DTNB: variants seen among roughly 807,000 people sequenced by gnomAD.
DTNB encodes dystrobrevin beta, also known as DTN-B.
Under a neutral mutation model 90.7 loss-of-function variants are expected in DTNB, and 63 were observed. The observed-to-expected ratio is 0.69, with a 90% confidence interval of 0.57 to 0.86. DTNB has a LOEUF of 0.86. DTNB is among the 40% of genes least tolerant of loss of function. The pLI is 0.00. For missense variants in DTNB, 744 were observed against 807.1 expected, an observed-to-expected ratio of 0.92 and a Z score of 0.95; for synonymous variants, 277 against 286.7, an observed-to-expected ratio of 0.97 and a Z score of 0.34.
intron 2 of DTNB, among the ~76,000 whole-genome samples, chr2:25,647,719 C>A (rs1403923153): frequency 6.6e-6 from 1 of 151,694 alleles, no homozygotes; most frequent in African/African-American, 2.4e-5. Flanking sequence ...TATCAATCAG[C>A]CAATCAACCA....
chr2:25,640,580 C>T lies in DTNB; in HGVS notation c.68-1486G>A, dbSNP rs182871155. 1.7e-3 allele frequency among the ~76,000 whole-genome samples: 260 copies of T among 152,128 alleles called. 1 individual carries two copies. Among genetic ancestry groups the T allele is most frequent in the African/African-American group, 6.1e-3 (251 of 41,476 alleles). ...CTCTCTCTCTCTGTATTATACAGTC[C>T]CACTTTCTCTTTTTAAATATAAAAG... On this transcript the variant is annotated intron_variant, in intron 2 of 20. Transcript: ENST00000406818.
In DTNB at chr2:25,596,170, T is replaced by G. The variant is rs2064587047; in HGVS notation, c.519A>C (p.Glu173Asp). 1.2e-5 allele frequency: 20 copies of G among 1,613,680 alleles called. No homozygotes were observed. The East Asian group carries it at 4.5e-4, about 36-fold the overall frequency. Residue 173 changes from glutamate (E) to aspartate (D), a missense_variant, in exon 6 of 21, where the codon GAA becomes GAC. By Grantham distance (45) the Glu-to-Asp change is conservative. Transcript: ENST00000406818. ...AGACAGCTGTTGGGAGCTTCAGAACTTCCTTCAGAAACTGGTCAAACTTGC... is the reference window on the plus strand; with the variant it reads ...AGACAGCTGTTGGGAGCTTCAGAACGTCCTTCAGAAACTGGTCAAACTTGC... ...IFSKFDQFLK[E>D]VLKLPTAVFE...
intron 3 of DTNB, among the ~76,000 whole-genome samples, chr2:25,632,192 C>CACA (rs2075905585): frequency 1.3e-5 from 1 of 76,882 alleles, no homozygotes; most frequent in Non-Finnish European, 2.3e-5. Flanking sequence ...GACTCTGTCT[C>CACA]AAAAAAAAAA....
At chr2:25,503,126 G>A (rs2071269651) in intron 9 of DTNB, among the ~76,000 whole-genome samples, 1 of 104,916 alleles carries the variant, frequency 9.5e-6, no homozygotes, top group African/African-American at 3.6e-5. Flanking sequence ...AAGAAGTCAA[G>A]AAGTCAAATT....
rs200087086 is a variant in DTNB at position 25,383,866 on chromosome 2, C to T, written c.1849G>A (p.Glu617Lys). 1.1e-5 allele frequency: 18 copies of T among 1,614,076 alleles called. No homozygotes were observed. The highest frequency in any genetic ancestry group is 1.5e-5 in the Non-Finnish European group (18 of 1,179,910). ...TCTTTCCCATTCTGCATCTTCTCTT[C>T]TTCTTCCTCTGCACCTTCCTCTGCT... ...HSAEEGAEEE[E>K]EKMQNGKDRG Residue 617 changes from glutamate (E) to lysine (K), a missense_variant, in exon 19 of 21, where the codon GAA becomes AAA. Physicochemically the swap from Glu to Lys is moderately conservative, Grantham distance 56 (BLOSUM62 1). Coordinates refer to ENST00000406818, the MANE Select transcript of DTNB (RefSeq NM_021907.5).
chr2:25,468,114 T>A (rs949728310), intron 10 of DTNB, among the ~76,000 whole-genome samples: 1 of 152,130 alleles, frequency 6.6e-6, no homozygotes, highest in Non-Finnish European at 1.5e-5. Context: ...TTTAGTTGGA[T>A]GTTAGGAACT....
intron 9 of DTNB, among the ~76,000 whole-genome samples, chr2:25,506,502 T>C (rs2072476651): frequency 6.6e-6 from 1 of 152,118 alleles, no homozygotes; most frequent in Non-Finnish European, 1.5e-5. Flanking sequence ...TTATTTTTCC[T>C]GATCCTCTCC....
intron 8 of DTNB, among the ~76,000 whole-genome samples, chr2:25,570,774 G>C (rs1247198465): frequency 6.6e-6 from 1 of 152,108 alleles, no homozygotes; most frequent in East Asian, 1.9e-4. Context: ...AGCTTCAAGG[G>C]TCAGTTCTTA....
chr2:25,445,502 C>T (rs2058264714), intron 12 of DTNB, among the ~76,000 whole-genome samples: 1 of 152,166 alleles, frequency 6.6e-6, no homozygotes, highest in African/African-American at 2.4e-5. Context: ...TTGCAGCTTT[C>T]GTAACTCTAT....
chr2:25,460,902 G>T (rs1199017931), intron 10 of DTNB, among the ~76,000 whole-genome samples: 209 of 145,564 alleles, frequency 1.4e-3, no homozygotes, highest in Non-Finnish European at 2.5e-3. Context: ...AAGGTTTTTT[G>T]TTTTTTTTTT....
intron 16 of DTNB, among the ~76,000 whole-genome samples, chr2:25,412,525 T>C (rs549303994): frequency 6.6e-6 from 1 of 152,320 alleles, no homozygotes; most frequent in African/African-American, 2.4e-5. Context: ...TTACATAACT[T>C]TTACTGTCTA....
intron 14 of DTNB, among the ~76,000 whole-genome samples, chr2:25,432,443 G>A (rs2054216434): frequency 6.6e-6 from 1 of 152,174 alleles, no homozygotes; most frequent in Non-Finnish European, 1.5e-5. Context: ...TCATGTCTCA[G>A]AGATGCGCAC....
At chr2:25,433,848 G>C in intron 13 of DTNB, 62 bp downstream of exon 13, 3 of 1,577,114 alleles carry the variant, frequency 1.9e-6, no homozygotes, top group Non-Finnish European at 2.6e-6. Context: ...AGGAAAATGA[G>C]AATCAGATAC....
chr2:25,665,073 C>T (rs1375672225), intron 1 of DTNB, among the ~76,000 whole-genome samples: 1 of 152,090 alleles, frequency 6.6e-6, no homozygotes, highest in South Asian at 2.1e-4. Flanking sequence ...ACCTGGACTA[C>T]GTCTACACGC....
At chr2:25,404,509 G>A (rs1445120720) in intron 16 of DTNB, among the ~76,000 whole-genome samples, 5 of 152,080 alleles carry the variant, frequency 3.3e-5, no homozygotes, top group African/African-American at 1.2e-4. Context: ...GAGAAGTGTC[G>A]GCGGTGAGCA....
At chr2:25,437,034 T>C (rs890800872) in intron 12 of DTNB, among the ~76,000 whole-genome samples, 28 of 152,198 alleles carry the variant, frequency 1.8e-4, no homozygotes, top group Non-Finnish European at 3.8e-4. Context: ...CAACAGAGAT[T>C]CCTAATCAGG....
intron 10 of DTNB, 124 bp from the exon 11 acceptor site, chr2:25,455,618 A>C: frequency 1.3e-6 from 1 of 758,368 alleles, no homozygotes; most frequent in South Asian, 1.9e-5. Flanking sequence ...ATGATAAGGA[A>C]AACAATAAAA....
intron 2 of DTNB, among the ~76,000 whole-genome samples, chr2:25,642,298 G>A (rs924014257): frequency 1.3e-5 from 2 of 152,088 alleles, no homozygotes; most frequent in African/African-American, 4.8e-5. Context: ...TGATGCCAGG[G>A]GTTAATTAGT....
intron 2 of DTNB, among the ~76,000 whole-genome samples, chr2:25,645,461 T>A (rs995798018): frequency 8.5e-5 from 13 of 152,072 alleles, no homozygotes; most frequent in Non-Finnish European, 1.8e-4. Flanking sequence ...ATTTTTTTTT[T>A]AACAGGGTCT....
Sources: allele counts gnomAD v4.1 joint callset (sites outside exome capture counted in the v4.1 genomes callset), GRCh38; gene constraint gnomAD v4.1.1; transcripts MANE v1.5; gene names NCBI Gene and HGNC (gene_info 2026-07-23, HGNC 2026-07-21).